CHD1L: variants seen among roughly 807,000 people sequenced by gnomAD.
CHD1L encodes the protein ATP-dependent chromatin remodeler CHD1L.
In CHD1L, 118 loss-of-function variants were observed where a neutral mutation model predicts 115.9. The ratio of observed to expected loss-of-function variants is 1.02; its 90% confidence interval spans 0.88 to 1.19. CHD1L has a LOEUF of 1.19. Ranked by LOEUF, CHD1L falls within the 50% of genes most tolerant of loss-of-function variation. CHD1L has a pLI of 0.00. For synonymous variants in CHD1L, 411 were observed against 387.1 expected, an observed-to-expected ratio of 1.06 and a Z score of -0.72; for missense variants, 1,179 against 1,065.3, an observed-to-expected ratio of 1.11 and a Z score of -1.49.
the CHD1L span, among the ~76,000 whole-genome samples, chr1:147,205,504 C>T: frequency 6.6e-6 from 1 of 152,096 alleles, no homozygotes; most frequent in South Asian, 2.1e-4. Context: ...TTTAGAGACT[C>T]TCTACAAAAC....
At chr1:147,290,813 C>T (rs1685226913) in intron 19 of CHD1L, among the ~76,000 whole-genome samples, 1 of 151,876 alleles carries the variant, frequency 6.6e-6, no homozygotes, top group Non-Finnish European at 1.5e-5. Context: ...AACACCAAAC[C>T]TAACTTTTTC....
intron 1 of CHD1L, among the ~76,000 whole-genome samples, chr1:147,245,263 T>A (rs1553933146): frequency 6.6e-6 from 1 of 152,188 alleles, no homozygotes; most frequent in Non-Finnish European, 1.5e-5. Flanking sequence ...ACTGGGAGAT[T>A]TGGAAGGGGA....
the CHD1L span, among the ~76,000 whole-genome samples, chr1:147,207,056 T>C: frequency 0.037 from 5,566 of 151,946 alleles, 105 homozygotes; most frequent in African/African-American, 0.046. Flanking sequence ...AAAAATACTA[T>C]TAGGGCAACT....
chr1:147,225,335 G>C, the CHD1L span: 18 of 368,194 alleles, frequency 4.9e-5, no homozygotes, highest in Admixed American at 7.3e-4. Context: ...ATCTGGAGGA[G>C]ACTCAACAGG....
chr1:147,228,553 T>C, the CHD1L span, among the ~76,000 whole-genome samples: 1 of 152,228 alleles, frequency 6.6e-6, no homozygotes, highest in African/African-American at 2.4e-5. Flanking sequence ...TCAAATGGTA[T>C]TTCTAGTTCT....
rs782770115 is a variant in CHD1L, at chr1:147,266,011, G to A, written c.819G>A (p.Lys273=). 1.2e-6 allele frequency: 2 copies of A among 1,613,738 alleles called. No individual in the cohort carries two copies. Among genetic ancestry groups the A allele is most frequent in the Non-Finnish European group, 8.5e-7 (1 of 1,179,868 alleles). Residue 273 remains lysine, a synonymous_variant, in exon 8 of 23, where the codon AAG becomes AAA. Transcript: ENST00000369258. ...KAEVATELPK[K]TEVVIYHGMS... Reference sequence around the variant, plus strand: ...AGGTAGCTACAGAGCTTCCCAAGAAGACAGAAGTAGTGATATACCATGGCA... The same window carrying A: ...AGGTAGCTACAGAGCTTCCCAAGAAAACAGAAGTAGTGATATACCATGGCA...
At chr1:147,280,769 G>A (rs1680532623) in intron 15 of CHD1L, among the ~76,000 whole-genome samples, 2 of 152,016 alleles carry the variant, frequency 1.3e-5, no homozygotes, top group Admixed American at 6.6e-5. Context: ...TTAAATTTCC[G>A]ATTTGAAGTA....
At chr1:147,227,736 AT>A in the CHD1L span, among the ~76,000 whole-genome samples, 2 of 152,360 alleles carry the variant, frequency 1.3e-5, no homozygotes, top group Admixed American at 1.3e-4. Flanking sequence ...GAAGGAGTGT[AT>A]GTGTATGGAT....
At position 147,264,422 on chromosome 1, in the gene CHD1L, T is replaced by C; in HGVS notation, c.577T>C (p.Phe193Leu). The change falls in exon 7 of 23, where the codon TTC becomes CTC. Residue 193 changes from phenylalanine to leucine, a missense_variant and splice_region_variant. Physicochemically the swap from Phe to Leu is conservative, Grantham distance 22. Coordinates refer to ENST00000369258, the MANE Select transcript of CHD1L (RefSeq NM_004284.6). The part of the protein sequence containing the change: ...SSLLHKTLSE[F>L]SVVFSLLLTG... Reference sequence around the variant, plus strand: ...TATTTTATTTATTTATGTATTTGAGTTCTCAGTAGTCTTCAGTCTCCTGTT... The same window carrying C: ...TATTTTATTTATTTATGTATTTGAGCTCTCAGTAGTCTTCAGTCTCCTGTT... The C allele has an allele frequency of 1.3e-6, 2 of 1,597,348 alleles. No individual in the cohort carries two copies. The highest frequency in any genetic ancestry group is 2.3e-5 in the South Asian group (2 of 88,316).
intron 16 of CHD1L, 67 bp downstream of exon 16, chr1:147,284,566 G>A: frequency 1.0e-6 from 1 of 1,002,198 alleles, no homozygotes; most frequent in Non-Finnish European, 1.4e-6. Flanking sequence ...ACAAAAAAAT[G>A]ATGCTGGCAT....
At chr1:147,178,816 T>C in the CHD1L span, 1 of 1,604,810 alleles carries the variant, frequency 6.2e-7, no homozygotes. Context: ...AATTAAAAAG[T>C]TTATCCAGGA....
the CHD1L span, chr1:147,213,604 A>C: frequency 2.9e-6 from 2 of 693,808 alleles, no homozygotes; most frequent in Non-Finnish European, 4.4e-6. Context: ...TTCATACTCC[A>C]CAAATAAGAA....
chr1:147,189,284 A>G, the CHD1L span, among the ~76,000 whole-genome samples: 1 of 146,400 alleles, frequency 6.8e-6, no homozygotes, highest in African/African-American at 2.6e-5. Context: ...AAAAAAAAAA[A>G]GGCAGTTTAA....
chr1:147,288,343 A>AG (rs1385365259), intron 19 of CHD1L, among the ~76,000 whole-genome samples: 21,684 of 51,958 alleles, frequency 0.42, 2,285 homozygotes, highest in South Asian at 0.52. Context: ...AAAAAAAAAA[A>AG]AAAGAAAAAG....
the CHD1L span, among the ~76,000 whole-genome samples, chr1:147,193,231 G>C: frequency 6.6e-6 from 1 of 152,142 alleles, no homozygotes; most frequent in Admixed American, 6.5e-5. Flanking sequence ...TCCTGGTTTA[G>C]TCTTGGGAGG....
chr1:147,264,717 A>G (rs1673227139), intron 7 of CHD1L, 133 bp downstream of exon 7: 1 of 823,026 alleles, frequency 1.2e-6, no homozygotes, highest in African/African-American at 1.7e-5. Flanking sequence ...GACCGCTGAT[A>G]TTAGGGAGAT....
chr1:147,215,962 T>A, the CHD1L span: 1 of 1,567,402 alleles, frequency 6.4e-7, no homozygotes, highest in Non-Finnish European at 8.7e-7. Context: ...ATAGAAAGTA[T>A]TCATAGCAAC....
chr1:147,209,093 C>T, the CHD1L span: 21 of 1,553,948 alleles, frequency 1.4e-5, no homozygotes, highest in African/African-American at 1.9e-4. Flanking sequence ...CACTCAGATT[C>T]GTAAACCTTC....
intron 16 of CHD1L, among the ~76,000 whole-genome samples, chr1:147,284,803 G>A (rs1682431616): frequency 6.6e-6 from 1 of 152,116 alleles, no homozygotes; most frequent in Admixed American, 6.5e-5. Context: ...CCTGCTGTTG[G>A]TAATGATGAC....
Sources: allele counts gnomAD v4.1 joint callset (sites outside exome capture counted in the v4.1 genomes callset), GRCh38; gene constraint gnomAD v4.1.1; transcripts MANE v1.5; gene names NCBI Gene and HGNC (gene_info 2026-07-23, HGNC 2026-07-21).